Variants in STARD3NL observed in about 807,000 individuals in gnomAD.
STARD3NL encodes the protein STARD3 N-terminal like.
In STARD3NL, 17 loss-of-function variants were observed where a neutral mutation model predicts 30.9. The ratio of observed to expected loss-of-function variants is 0.55; its 90% CI spans 0.38 to 0.82. The LOEUF is 0.82. Ranked by LOEUF, STARD3NL falls within the 40% of genes least tolerant of loss-of-function variation. The pLI, the probability that STARD3NL is intolerant of heterozygous loss-of-function variation, is 0.00. For missense variants in STARD3NL, 234 were observed against 277.6 expected (o/e 0.84, Z 1.12); for synonymous variants, 112 against 100.5 (o/e 1.11, Z -0.69).
intron 1 of STARD3NL, among the ~76,000 whole-genome samples, chr7:38,205,072 T>C (rs971933494): frequency 1.3e-5 from 2 of 152,200 alleles, no homozygotes; most frequent in African/African-American, 4.8e-5. Context: ...GAGGAGCTGG[T>C]ACCATTCCTT....
Position 38,215,103 on chromosome 7 carries a change from G to A in STARD3NL, c.379G>A (p.Ala127Thr). ...CAGACTGCGCCATTGGTGGGCAATA[G>A]CGGTGAGTATGCCCTGCATGAGTGG... is the stretch of plus-strand genomic sequence containing the variant. ...VCRLRHWWAI[A>T]LTTAVTSAFL... Residue 127 changes from alanine to threonine, a missense_variant and splice_region_variant, in exon 4 of 9, where the codon GCG (alanine) becomes ACG (threonine). Ala to Thr is a moderately conservative substitution (Grantham distance 58). Coordinates refer to ENST00000009041, the MANE Select transcript of STARD3NL (RefSeq NM_032016.4). The A allele has an allele frequency of 6.2e-7, 1 of 1,613,924 alleles. No individual in the cohort carries two copies. Among genetic ancestry groups the A allele is most frequent in the Non-Finnish European group, 8.5e-7 (1 of 1,179,884 alleles).
intron 1 of STARD3NL, among the ~76,000 whole-genome samples, chr7:38,197,564 T>G (rs907139399): frequency 6.6e-6 from 1 of 152,234 alleles, no homozygotes; most frequent in Non-Finnish European, 1.5e-5. Flanking sequence ...TTTCAAAATG[T>G]AGACAGCCTC....
At chr7:38,227,611 C>T (rs1308027545) in intron 7 of STARD3NL, among the ~76,000 whole-genome samples, 1 of 152,082 alleles carries the variant, frequency 6.6e-6, no homozygotes, top group Non-Finnish European at 1.5e-5. Context: ...GCAGCTTTTA[C>T]GTGTGAATTG....
intron 1 of STARD3NL, among the ~76,000 whole-genome samples, chr7:38,204,547 T>C (rs919335265): frequency 1.3e-5 from 2 of 152,038 alleles, no homozygotes; most frequent in African/African-American, 2.4e-5. Flanking sequence ...AGATCTAAAA[T>C]TGACACCCTA....
chr7:38,204,918 C>T (rs1477640897), intron 1 of STARD3NL, among the ~76,000 whole-genome samples: 1 of 151,410 alleles, frequency 6.6e-6, no homozygotes, highest in Non-Finnish European at 1.5e-5. Flanking sequence ...CACATACACC[C>T]TCCCAAGACT....
intron 1 of STARD3NL, among the ~76,000 whole-genome samples, chr7:38,182,355 C>T (rs1313055886): frequency 6.6e-6 from 1 of 152,182 alleles, no homozygotes; most frequent in Non-Finnish European, 1.5e-5. Context: ...TGAAGGCACA[C>T]TGTCACAAAT....
intron 1 of STARD3NL, among the ~76,000 whole-genome samples, chr7:38,181,226 G>T (rs528726406): frequency 1.0e-3 from 158 of 152,254 alleles, no homozygotes; most frequent in Non-Finnish European, 1.7e-3. Context: ...AGTTTAAAAT[G>T]TGTTACTATT....
At chr7:38,186,786 G>A (rs951369359) in intron 1 of STARD3NL, among the ~76,000 whole-genome samples, 5 of 152,130 alleles carry the variant, frequency 3.3e-5, no homozygotes, top group Non-Finnish European at 7.4e-5. Context: ...GTGATAATGA[G>A]GAAGTCACCT....
At chr7:38,200,690 G>A (rs1293529299) in intron 1 of STARD3NL, among the ~76,000 whole-genome samples, 1 of 152,078 alleles carries the variant, frequency 6.6e-6, no homozygotes. Context: ...AGTCTGCTTT[G>A]TAGGAGTAAG....
intron 6 of STARD3NL, among the ~76,000 whole-genome samples, chr7:38,218,371 T>A (rs912312157): frequency 6.6e-6 from 1 of 152,244 alleles, no homozygotes; most frequent in African/African-American, 2.4e-5. Context: ...AAGAGTAGAT[T>A]TTAAAAACCC....
chr7:38,212,981 T>C (rs1012759884), intron 2 of STARD3NL, among the ~76,000 whole-genome samples: 2 of 152,212 alleles, frequency 1.3e-5, no homozygotes, highest in Non-Finnish European at 2.9e-5. Context: ...AGATAATGTC[T>C]GTTTAAAGCC....
intron 3 of STARD3NL, among the ~76,000 whole-genome samples, chr7:38,214,652 G>T (rs1213461669): frequency 6.6e-6 from 1 of 152,170 alleles, no homozygotes; most frequent in Non-Finnish European, 1.5e-5. Context: ...ACAGATAAGG[G>T]AGGGCAACAG....
chr7:38,214,328 T>C, intron 2 of STARD3NL, 29 bp from the exon 3 acceptor site: 2 of 1,453,496 alleles, frequency 1.4e-6, no homozygotes, highest in South Asian at 2.4e-5. Flanking sequence ...AAACCTCTCC[T>C]TGTTTTTGCT....
intron 1 of STARD3NL, among the ~76,000 whole-genome samples, chr7:38,204,816 C>T (rs62443327): frequency 0.2 from 30,539 of 151,624 alleles, 3,075 homozygotes; most frequent in Non-Finnish European, 0.22. Flanking sequence ...CACCACCGAT[C>T]CCACAGAAAT....
chr7:38,224,477 G>A (rs929837423), intron 7 of STARD3NL, among the ~76,000 whole-genome samples: 8 of 152,282 alleles, frequency 5.3e-5, no homozygotes, highest in Admixed American at 5.2e-4. Context: ...GTCAATTGAG[G>A]TCTGAAAATA....
chr7:38,189,070 A>G (rs1054586781), intron 1 of STARD3NL, among the ~76,000 whole-genome samples: 1 of 152,212 alleles, frequency 6.6e-6, no homozygotes, highest in Non-Finnish European at 1.5e-5. Flanking sequence ...AAATCATTGA[A>G]TGAGACAAGA....
intron 1 of STARD3NL, among the ~76,000 whole-genome samples, chr7:38,197,232 CATTTTT>C (rs1784966921): frequency 1.0e-5 from 1 of 95,678 alleles, no homozygotes; most frequent in Admixed American, 1.2e-4. Flanking sequence ...TTCTTTCTTT[CATTTTT>C]TTTTTCTTTC....
chr7:38,181,918 C>T (rs1187054492), intron 1 of STARD3NL, among the ~76,000 whole-genome samples: 1 of 152,106 alleles, frequency 6.6e-6, no homozygotes, highest in Non-Finnish European at 1.5e-5. Context: ...TAGACAACTC[C>T]AGCCAGCCAA....
intron 1 of STARD3NL, among the ~76,000 whole-genome samples, chr7:38,202,515 C>T (rs542809863): frequency 1.1e-4 from 17 of 151,700 alleles, no homozygotes; most frequent in Admixed American, 6.6e-4. Flanking sequence ...CTCATTAGTC[C>T]GAGAGAATCA....
Sources: allele counts gnomAD v4.1 joint callset (sites outside exome capture counted in the v4.1 genomes callset), GRCh38; gene constraint gnomAD v4.1.1; transcripts MANE v1.5; gene names NCBI Gene and HGNC (gene_info 2026-07-23, HGNC 2026-07-21).